Variants in MRPL3 observed in about 807,000 individuals in gnomAD.
The protein encoded by MRPL3 is large ribosomal subunit protein uL3m.
Under a neutral mutation model 44.3 loss-of-function variants are expected in MRPL3, and 43 were observed. The observed-to-expected ratio is 0.97, with a 90% CI of 0.76 to 1.25. MRPL3 has a LOEUF of 1.25. Ranked by LOEUF, MRPL3 falls within the 50% of genes most tolerant of loss-of-function variation. The pLI is 0.00. For missense variants in MRPL3, 406 were observed against 427.6 expected (o/e 0.95, Z 0.45); for synonymous variants, 171 against 152.3 (o/e 1.12, Z -0.91).
At position 131,492,651 on chromosome 3, in the gene MRPL3, C is replaced by T. The variant is rs573282560; in HGVS notation, c.469-2571G>A. On this transcript the variant is annotated intron_variant, in intron 4 of 9. Coordinates refer to ENST00000264995, the MANE Select transcript of MRPL3 (RefSeq NM_007208.4). ...CATTCACCTCCTGCTGTGCAGTTCC[C>T]ATTCCTAACAGGCCACAGAGCAGTC... Among the ~76,000 whole-genome samples the T allele has an allele frequency of 4.6e-5, 7 of 152,266 alleles. No homozygotes were observed. The South Asian group carries it at 1.5e-3, about 32-fold the overall frequency.
intron 8 of MRPL3, 82 bp from the exon 9 acceptor site, chr3:131,468,250 T>C (rs1933666007): frequency 2.6e-6 from 2 of 760,886 alleles, no homozygotes; most frequent in South Asian, 1.9e-5. Context: ...TGTAAGTTGC[T>C]TGTAAAGTAA....
intron 6 of MRPL3, 181 bp downstream of exon 6, chr3:131,487,499 C>A (rs943811372): frequency 6.9e-6 from 4 of 575,820 alleles, no homozygotes; most frequent in Admixed American, 7.3e-5. Context: ...GAACCCTTTA[C>A]ATACAATTAA....
At chr3:131,491,053 T>C (rs1934246497) in intron 4 of MRPL3, among the ~76,000 whole-genome samples, 1 of 152,230 alleles carries the variant, frequency 6.6e-6, no homozygotes, top group Non-Finnish European at 1.5e-5. Flanking sequence ...TATCACTATA[T>C]ATAACATGTC....
intron 4 of MRPL3, among the ~76,000 whole-genome samples, chr3:131,493,948 T>C (rs1321370182): frequency 1.3e-5 from 2 of 152,228 alleles, no homozygotes; most frequent in Admixed American, 6.5e-5. Context: ...GAATATAATA[T>C]GTGAATACTT....
intron 4 of MRPL3, among the ~76,000 whole-genome samples, chr3:131,497,090 T>C (rs1048427091): frequency 6.6e-6 from 1 of 152,232 alleles, no homozygotes; most frequent in Non-Finnish European, 1.5e-5. Flanking sequence ...ATTGGCTGTC[T>C]CCGGTTCTGT....
chr3:131,477,646 T>G (rs73203912), intron 6 of MRPL3, among the ~76,000 whole-genome samples: 1 of 152,178 alleles, frequency 6.6e-6, no homozygotes, highest in Non-Finnish European at 1.5e-5. Context: ...CTCTGACAAC[T>G]CCAATAGATT....
intron 9 of MRPL3, among the ~76,000 whole-genome samples, chr3:131,467,290 ATCCAT>A (rs1933634871): frequency 6.6e-6 from 1 of 151,790 alleles, no homozygotes; most frequent in South Asian, 2.1e-4. Flanking sequence ...CATCTTCTTT[ATCCAT>A]TCATTTGTAG....
chr3:131,469,608 G>T, intron 8 of MRPL3, 88 bp downstream of exon 8: 1 of 879,496 alleles, frequency 1.1e-6, no homozygotes, highest in Non-Finnish European at 1.8e-6. Context: ...TTAGAACAAT[G>T]GTACAGACAC....
intron 8 of MRPL3, 103 bp from the exon 9 acceptor site, chr3:131,468,271 TTACCAG>T: frequency 5.0e-6 from 3 of 596,748 alleles, no homozygotes; most frequent in Non-Finnish European, 5.9e-6. Context: ...TAAAAGATTA[TTACCAG>T]TACTTCAGAA....
Position 131,462,697 on chromosome 3 carries a change from G to T in MRPL3, c.*26C>A. On this transcript the variant is annotated 3_prime_UTR_variant, in exon 10 of 10. Coordinates refer to ENST00000264995, the MANE Select transcript of MRPL3 (RefSeq NM_007208.4). ...TGGCTCATCGAAGCTCACAGAATAT[G>T]TAAGGTTCTGCCACGTCCAAAGATG... is the stretch of plus-strand genomic sequence containing the variant. 6.3e-7 allele frequency: 1 copy of T among 1,595,274 alleles called. No homozygotes were observed. The highest frequency in any genetic ancestry group is 8.6e-7 in the Non-Finnish European group (1 of 1,168,410).
chr3:131,500,323 T>C (rs1271306066), intron 3 of MRPL3, 107 bp downstream of exon 3: 1 of 858,834 alleles, frequency 1.2e-6, no homozygotes, highest in Non-Finnish European at 1.9e-6. Context: ...ACCCCTTTCT[T>C]CACCATACAG....
intron 1 of MRPL3, 93 bp from the exon 2 acceptor site, chr3:131,501,808 G>A (rs1480674973): frequency 1.9e-6 from 3 of 1,599,718 alleles, no homozygotes; most frequent in Non-Finnish European, 2.6e-6. Flanking sequence ...GGAAAGTGTA[G>A]TCAGGGCCTT....
intron 6 of MRPL3, among the ~76,000 whole-genome samples, chr3:131,483,161 T>A (rs1934032142): frequency 6.6e-6 from 1 of 152,142 alleles, no homozygotes; most frequent in South Asian, 2.1e-4. Flanking sequence ...TGGGAAAATG[T>A]TAGACTCTAA....
rs372984111 is a variant in MRPL3, at chr3:131,491,451, A to G, written c.469-1371T>C. 2.2e-4 allele frequency among the ~76,000 whole-genome samples: 34 copies of G among 152,296 alleles called. No individual in the cohort carries two copies. The East Asian group carries it at 3.3e-3, about 15-fold the overall frequency. On this transcript the variant is annotated intron_variant, in intron 4 of 9. Coordinates refer to ENST00000264995, the MANE Select transcript of MRPL3 (RefSeq NM_007208.4). ...ATTCTACTTTGAACTATACATTCAC[A>G]TGTCCAACTGCCAAGTCATTATCTC...
At chr3:131,488,916 T>C (rs1011922500) in intron 5 of MRPL3, 15 of 152,198 alleles carry the variant, frequency 9.9e-5, no homozygotes, top group African/African-American at 3.6e-4. Flanking sequence ...AAAAATAGTA[T>C]TAATTTTTTA....
intron 6 of MRPL3, among the ~76,000 whole-genome samples, chr3:131,482,501 C>G (rs1441898533): frequency 7.0e-6 from 1 of 141,936 alleles, no homozygotes; most frequent in Middle Eastern, 3.6e-3. Context: ...GGCAACAGAG[C>G]AAGACTCCGT....
At chr3:131,482,291 C>T (rs1398744706) in intron 6 of MRPL3, among the ~76,000 whole-genome samples, 15 of 151,920 alleles carry the variant, frequency 9.9e-5, no homozygotes, top group Admixed American at 6.6e-5. Context: ...CTGAGGCAGG[C>T]GGATCACGAG....
chr3:131,483,872 TAACATTGA>T (rs899653708), intron 6 of MRPL3, among the ~76,000 whole-genome samples: 3 of 152,172 alleles, frequency 2.0e-5, no homozygotes, highest in Admixed American at 6.6e-5. Flanking sequence ...GTTGAAGGTA[TAACATTGA>T]AACATTGAAA....
In MRPL3 at chr3:131,462,852, T is replaced by G. The variant is rs3805089; in HGVS notation, c.918A>C (p.Ala306=). ...GTAGATTTTTACCGAGATCCTTATATGCAGGCAGTTTAGAATCTTTGACCT... is the reference window on the plus strand; with the variant it reads ...GTAGATTTTTACCGAGATCCTTATAGGCAGGCAGTTTAGAATCTTTGACCT... ...LVKVKDSKLP[A]YKDLGKNLPF... is the part of the protein sequence containing the mutation. Residue 306 remains alanine, a synonymous_variant, in exon 10 of 10, where the codon GCA becomes GCC. Transcript: ENST00000264995. 7 of 1,611,928 alleles carry G rather than the reference T, an allele frequency of 4.3e-6. No individual in the cohort carries two copies. The highest frequency in any genetic ancestry group is 5.9e-6 in the Non-Finnish European group (7 of 1,178,642).
Sources: gnomAD v4.1 joint callset for allele counts (sites outside exome capture counted in the v4.1 genomes callset) on GRCh38, gnomAD v4.1.1 for gene constraint, MANE v1.5 for transcripts, NCBI Gene and HGNC (gene_info 2026-07-23, HGNC 2026-07-21) for gene names.